KIRREL3: variants seen among roughly 807,000 people sequenced by gnomAD.
KIRREL3 encodes the protein kirre like nephrin family adhesion molecule 3.
A neutral mutation model predicts 89.7 loss-of-function variants in KIRREL3; 36 were observed. The observed-to-expected ratio is 0.40, with a 90% CI of 0.31 to 0.53. The LOEUF (loss-of-function observed/expected upper bound fraction) is 0.53, where lower values mean the gene tolerates loss of function less well. KIRREL3 is among the 20% of genes least tolerant of loss of function. The pLI is 0.49. For missense variants in KIRREL3, 864 were observed against 1,056.6 expected, an observed-to-expected ratio of 0.82 and a Z score of 2.53; for synonymous variants, 445 against 441.4, an observed-to-expected ratio of 1.01 and a Z score of -0.10.
rs138833425 is a variant in KIRREL3, at chr11:126,971,606, G to A, written c.55+28849C>T. On this transcript the variant is annotated intron_variant, in intron 1 of 16. Coordinates refer to ENST00000525144, the MANE Select transcript of KIRREL3 (RefSeq NM_032531.4). ...AGTTCCTGTCGTGAGAGCACTGAAA[G>A]GAACCACAGAAATGAAAATATCATC... 1.2e-3 allele frequency among the ~76,000 whole-genome samples: 190 copies of A among 152,230 alleles called. 1 individual carries two copies. The highest frequency in any genetic ancestry group is 3.6e-3 in the African/African-American group (150 of 41,536).
rs1231631909 is a variant in KIRREL3 at position 126,528,815 on chromosome 11, A to G, written c.134-2128T>C. 1.6e-5 allele frequency among the ~76,000 whole-genome samples: 2 copies of G among 124,820 alleles called. No individual in the cohort carries two copies. Among genetic ancestry groups the G allele is most frequent in the African/African-American group, 3.1e-5 (1 of 32,506 alleles). The allele number at this position is 124,820 out of a possible 152,430, so 81.9% of individuals were successfully genotyped here. A position where few individuals can be genotyped will look rare whatever the true frequency, so the allele number is the denominator to read the frequency against. On this transcript the variant is annotated intron_variant, in intron 2 of 16. Transcript: ENST00000525144. This position sits in a 1 kb window ranked among gnomAD's most constrained non-coding sequence, Gnocchi z 4.6. ...GGGAGAGAAGAGGAGAGGGAGAGGA[A>G]GAGGAGGAAGCAGGGGAGGAGGGTG...
At chr11:126,881,258 C>T (rs112447890) in intron 1 of KIRREL3, among the ~76,000 whole-genome samples, 1 of 152,210 alleles carries the variant, frequency 6.6e-6, no homozygotes, top group Non-Finnish European at 1.5e-5. Context: ...CCCCCTCCCC[C>T]TCTCTGTTAA....
At chr11:126,950,168 T>C (rs1476818150) in intron 1 of KIRREL3, among the ~76,000 whole-genome samples, 1 of 152,100 alleles carries the variant, frequency 6.6e-6, no homozygotes, top group Non-Finnish European at 1.5e-5. Context: ...AGTCAGGAGA[T>C]AGAGAACATC....
chr11:126,937,398 T>C (rs1190195080), intron 1 of KIRREL3, among the ~76,000 whole-genome samples: 1 of 152,242 alleles, frequency 6.6e-6, no homozygotes, highest in Non-Finnish European at 1.5e-5. Flanking sequence ...CTAGCTCATC[T>C]ATTCCCATAG....
At position 126,867,358 on chromosome 11, in the gene KIRREL3, C is replaced by T. The variant is rs765121162; in HGVS notation, c.55+133097G>A. On this transcript the variant is annotated intron_variant, in intron 1 of 16. Transcript: ENST00000525144. The surrounding 1 kb of genome is among the most constrained non-coding windows in gnomAD (Gnocchi z 4.7). The stretch of plus-strand genomic sequence containing the variant: ...TCCAGGTGCCTCGAGGTTCTACACA[C>T]GGCCTGCCTTAGCCATCAGGCTTCC... Among the ~76,000 whole-genome samples, 3 of 152,212 alleles carry T rather than the reference C, an allele frequency of 2.0e-5. No homozygotes were observed. The highest frequency in any genetic ancestry group is 2.9e-5 in the Non-Finnish European group (2 of 68,040).
At position 126,796,426 on chromosome 11, in the gene KIRREL3, A is replaced by G. The variant is rs1409437985; in HGVS notation, c.55+204029T>C. On this transcript the variant is annotated intron_variant, in intron 1 of 16. Transcript: ENST00000525144. This position sits in a 1 kb window ranked among gnomAD's most constrained non-coding sequence, Gnocchi z 5.1. ...CAGCATTGGGTGTGGAGGAAGGCTG[A>G]AGGAGGGGACGCGCAGTTGTGGGTA... Among the ~76,000 whole-genome samples, 1 of 152,112 alleles carries G rather than the reference A, an allele frequency of 6.6e-6. No individual in the cohort carries two copies.
Position 126,948,034 on chromosome 11 carries a change from C to A in KIRREL3, c.55+52421G>T, listed in dbSNP as rs190659070. 2.6e-5 allele frequency among the ~76,000 whole-genome samples: 4 copies of A among 152,178 alleles called. No homozygotes were observed. Among genetic ancestry groups the A allele is most frequent in the Non-Finnish European group, 5.9e-5 (4 of 68,030 alleles). On this transcript the variant is annotated intron_variant, in intron 1 of 16. Coordinates refer to ENST00000525144, the MANE Select transcript of KIRREL3 (RefSeq NM_032531.4). The surrounding 1 kb of genome is among the most constrained non-coding windows in gnomAD (Gnocchi z 4.5). ...GCTTGGCTACCCCAAAACTCCAACGCACCTCATTATTTCATAAGAGATGTT... is the reference window on the plus strand; with the variant it reads ...GCTTGGCTACCCCAAAACTCCAACGAACCTCATTATTTCATAAGAGATGTT...
chr11:126,473,001 C>T (rs1478146413), intron 5 of KIRREL3, among the ~76,000 whole-genome samples: 1 of 85,014 alleles, frequency 1.2e-5, no homozygotes, highest in Non-Finnish European at 2.4e-5. Flanking sequence ...AACCCCCAGC[C>T]CCTGCCAACC....
intron 1 of KIRREL3, among the ~76,000 whole-genome samples, chr11:126,679,119 A>T (rs1946336956): frequency 6.6e-6 from 1 of 152,148 alleles, no homozygotes; most frequent in African/African-American, 2.4e-5. Flanking sequence ...CTTCTTCCTG[A>T]ATGTGGATGT....
At chr11:126,799,783 G>T (rs1248096847) in intron 1 of KIRREL3, among the ~76,000 whole-genome samples, 1 of 152,094 alleles carries the variant, frequency 6.6e-6, no homozygotes, top group Middle Eastern at 3.2e-3. Flanking sequence ...ATAATGGAAG[G>T]CTTGCCCTGA....
intron 1 of KIRREL3, among the ~76,000 whole-genome samples, chr11:126,779,110 C>T (rs1006331943): frequency 6.6e-6 from 1 of 152,210 alleles, no homozygotes; most frequent in African/African-American, 2.4e-5. Context: ...ACATACCTGC[C>T]AGAGTGAATG....
At chr11:126,816,129 T>C (rs1448812749) in intron 1 of KIRREL3, among the ~76,000 whole-genome samples, 1 of 152,262 alleles carries the variant, frequency 6.6e-6, no homozygotes, top group Non-Finnish European at 1.5e-5. Flanking sequence ...CAGCATATAC[T>C]GTATAAAGAT....
chr11:126,804,679 CT>C (rs756006283), intron 1 of KIRREL3, among the ~76,000 whole-genome samples: 7 of 152,186 alleles, frequency 4.6e-5, no homozygotes, highest in African/African-American at 7.2e-5. Flanking sequence ...ATATACCTCC[CT>C]GCTTTAATTT....
rs1250636744 is a variant in KIRREL3, at chr11:126,575,892, AC to A, written c.56-12981del. 1.3e-5 allele frequency among the ~76,000 whole-genome samples: 2 copies of A among 150,908 alleles called. No individual in the cohort carries two copies. The highest frequency in any genetic ancestry group is 2.0e-4 in the East Asian group (1 of 5,122). On this transcript the variant is annotated intron_variant, in intron 1 of 16. Transcript: ENST00000525144. This position sits in a 1 kb window ranked among gnomAD's most constrained non-coding sequence, Gnocchi z 7.0. The stretch of plus-strand genomic sequence containing the variant: ...ATGGGCATCCCCTCCTCTGGACACC[AC>A]CCCCCGCCAACTGCCTTATTCATAC...
rs1343890859 is a variant in KIRREL3 at position 126,508,627 on chromosome 11, AG to A, written c.433+12687del. 6.6e-6 allele frequency among the ~76,000 whole-genome samples: 1 copy of A among 152,174 alleles called. No individual in the cohort carries two copies. The highest frequency in any genetic ancestry group is 1.5e-5 in the Non-Finnish European group (1 of 68,034). On this transcript the variant is annotated intron_variant, in intron 4 of 16. Coordinates refer to ENST00000525144, the MANE Select transcript of KIRREL3 (RefSeq NM_032531.4). This position sits in a 1 kb window ranked among gnomAD's most constrained non-coding sequence, Gnocchi z 4.9. ...ATGATTTTAGGGGGAGTCAGGCAGC[AG>A]AGAGAGTGGAGTTTGGAAAAGAGGA...
At position 126,778,763 on chromosome 11, in the gene KIRREL3, T is replaced by C. The variant is rs1950240736; in HGVS notation, c.56-215851A>G. Among the ~76,000 whole-genome samples the C allele has an allele frequency of 6.6e-6, 1 of 152,224 alleles. No individual in the cohort carries two copies. The highest frequency in any genetic ancestry group is 1.5e-5 in the Non-Finnish European group (1 of 68,036). ...AGCTCTTTGTGAACAAAAGCTATCATGCAGGGCCCATGTAAACACCAAGAT... is the reference window on the plus strand; with the variant it reads ...AGCTCTTTGTGAACAAAAGCTATCACGCAGGGCCCATGTAAACACCAAGAT... On this transcript the variant is annotated intron_variant, in intron 1 of 16. Transcript: ENST00000525144. This position sits in a 1 kb window ranked among gnomAD's most constrained non-coding sequence, Gnocchi z 4.5.
In KIRREL3 at chr11:126,812,840, C is replaced by T. The variant is rs1191547458; in HGVS notation, c.55+187615G>A. On this transcript the variant is annotated intron_variant, in intron 1 of 16. Transcript: ENST00000525144. This position sits in a 1 kb window ranked among gnomAD's most constrained non-coding sequence, Gnocchi z 5.2. ...GTTTCTCTATTTCCCAGTTACTTGC[C>T]CAAGAACATGGCTCCATCTAAAGGA... is the stretch of plus-strand genomic sequence containing the variant. Among the ~76,000 whole-genome samples the T allele has an allele frequency of 1.3e-5, 2 of 152,124 alleles. No individual in the cohort carries two copies. Among genetic ancestry groups the T allele is most frequent in the East Asian group, 3.9e-4 (2 of 5,190 alleles).
At chr11:126,799,115 T>C (rs1355936634) in intron 1 of KIRREL3, among the ~76,000 whole-genome samples, 1 of 149,282 alleles carries the variant, frequency 6.7e-6, no homozygotes, top group Non-Finnish European at 1.5e-5. Context: ...GATGTGTGTA[T>C]CTGTGTGTGC....
intron 1 of KIRREL3, among the ~76,000 whole-genome samples, chr11:126,770,118 C>T (rs2134295172): frequency 6.6e-6 from 1 of 152,184 alleles, no homozygotes; most frequent in South Asian, 2.1e-4. Context: ...AGAACAGGTA[C>T]TGAGCAGTCC....
Sources: allele counts gnomAD v4.1 joint callset (sites outside exome capture counted in the v4.1 genomes callset), GRCh38; gene constraint gnomAD v4.1.1; non-coding constraint Gnocchi (gnomAD v3.1); transcripts MANE v1.5; gene names NCBI Gene and HGNC (gene_info 2026-07-23, HGNC 2026-07-21).